Variants in NKAIN3 observed in about 807,000 individuals in gnomAD.
The protein encoded by NKAIN3 is sodium/potassium transporting ATPase interacting 3, also known as sodium/potassium-transporting ATPase subunit beta-1-interacting protein 3.
Under a neutral mutation model 30.2 loss-of-function variants are expected in NKAIN3, and 25 were observed. That is an observed-to-expected ratio of 0.83 (90% CI 0.60 to 1.16). The LOEUF (loss-of-function observed/expected upper bound fraction) is 1.16. Among genes scored for constraint, NKAIN3 ranks in the 50% most tolerant of loss-of-function variants. NKAIN3 has a pLI of 0.00. For missense variants in NKAIN3, 225 were observed against 254.1 expected (o/e 0.89, Z 0.78); for synonymous variants, 91 against 89.6 (o/e 1.02, Z -0.09).
chr8:62,829,894 T>C (rs1819142500), intron 4 of NKAIN3, among the ~76,000 whole-genome samples: 1 of 152,136 alleles, frequency 6.6e-6, no homozygotes, highest in East Asian at 1.9e-4. Flanking sequence ...TCTTTTCACT[T>C]TCATCCCAAA....
chr8:62,252,861 A>G (rs1484810794), intron 1 of NKAIN3, among the ~76,000 whole-genome samples: 1 of 152,200 alleles, frequency 6.6e-6, no homozygotes, highest in Non-Finnish European at 1.5e-5. Context: ...TGCTTTTAGC[A>G]CATTCTTTTC....
intron 1 of NKAIN3, among the ~76,000 whole-genome samples, chr8:62,305,669 A>AT (rs1432585359): frequency 2.0e-5 from 3 of 150,450 alleles, no homozygotes; most frequent in Admixed American, 6.6e-5. Context: ...TCTAAACACC[A>AT]TGGTGTCTCC....
chr8:62,467,095 C>T (rs888919202), intron 1 of NKAIN3, among the ~76,000 whole-genome samples: 6 of 152,126 alleles, frequency 3.9e-5, no homozygotes, highest in South Asian at 2.1e-4. Context: ...ACAGCAAGCA[C>T]AGGAGCTTCA....
At chr8:62,277,508 G>A (rs756714238) in intron 1 of NKAIN3, among the ~76,000 whole-genome samples, 18 of 152,080 alleles carry the variant, frequency 1.2e-4, no homozygotes, top group African/African-American at 2.2e-4. Flanking sequence ...CGTCTCATGC[G>A]TAAGAAAGGT....
chr8:62,818,832 G>T (rs1377629462), intron 4 of NKAIN3, among the ~76,000 whole-genome samples: 1 of 151,944 alleles, frequency 6.6e-6, no homozygotes, highest in Non-Finnish European at 1.5e-5. Flanking sequence ...GGTAAGGAGG[G>T]ATTTTTCAGA....
At chr8:62,783,502 G>T (rs993904230) in intron 4 of NKAIN3, among the ~76,000 whole-genome samples, 1 of 151,522 alleles carries the variant, frequency 6.6e-6, no homozygotes, top group Non-Finnish European at 1.5e-5. Flanking sequence ...GAGACACAGA[G>T]AATTAGCAAG....
At chr8:62,596,023 G>T (rs930967777) in intron 3 of NKAIN3, among the ~76,000 whole-genome samples, 1 of 152,016 alleles carries the variant, frequency 6.6e-6, no homozygotes, top group Non-Finnish European at 1.5e-5. Flanking sequence ...CACTTTACAG[G>T]CCCTGACTAT....
At chr8:62,272,102 G>A (rs1236313467) in intron 1 of NKAIN3, among the ~76,000 whole-genome samples, 1 of 152,176 alleles carries the variant, frequency 6.6e-6, no homozygotes, top group Non-Finnish European at 1.5e-5. Flanking sequence ...ATGGATTGTT[G>A]TACAAATGAA....
chr8:62,738,127 C>T (rs999546604), intron 3 of NKAIN3, among the ~76,000 whole-genome samples: 3 of 152,134 alleles, frequency 2.0e-5, no homozygotes, highest in Non-Finnish European at 4.4e-5. Context: ...TTTACACTCC[C>T]ACCAACAGTG....
chr8:62,867,237 A>G (rs375885275), intron 4 of NKAIN3, among the ~76,000 whole-genome samples: 1 of 152,112 alleles, frequency 6.6e-6, no homozygotes, highest in African/African-American at 2.4e-5. Flanking sequence ...GAATTCTGAC[A>G]TTTCACTGCT....
chr8:62,452,787 C>T (rs974370104), intron 1 of NKAIN3, among the ~76,000 whole-genome samples: 2 of 152,124 alleles, frequency 1.3e-5, no homozygotes, highest in African/African-American at 4.8e-5. Context: ...TTTTAAAATA[C>T]ACTTTTTTGA....
intron 1 of NKAIN3, chr8:62,482,562 G>A (rs1301454640): frequency 6.6e-6 from 1 of 152,260 alleles, no homozygotes; most frequent in East Asian, 1.9e-4. Flanking sequence ...GAATTTCAAA[G>A]GGATAGTCTG....
chr8:62,439,000 A>C (rs1419660800), intron 1 of NKAIN3, among the ~76,000 whole-genome samples: 1 of 152,202 alleles, frequency 6.6e-6, no homozygotes, highest in Admixed American at 6.5e-5. Flanking sequence ...GACCATAGAA[A>C]GTAAGTAGAG....
chr8:62,696,336 G>A (rs947794679), intron 3 of NKAIN3, among the ~76,000 whole-genome samples: 1 of 152,122 alleles, frequency 6.6e-6, no homozygotes, highest in African/African-American at 2.4e-5. Context: ...TTTTTCCCCA[G>A]ACTCAGAATT....
At chr8:62,727,298 A>G (rs1305727055) in intron 3 of NKAIN3, among the ~76,000 whole-genome samples, 2 of 152,158 alleles carry the variant, frequency 1.3e-5, no homozygotes, top group African/African-American at 4.8e-5. Flanking sequence ...ACAAGGCAAG[A>G]ACGTCCCAGC....
At chr8:62,426,705 A>C (rs1022443646) in intron 1 of NKAIN3, among the ~76,000 whole-genome samples, 5 of 152,022 alleles carry the variant, frequency 3.3e-5, no homozygotes, top group Admixed American at 2.6e-4. Flanking sequence ...AGTAAAAAAA[A>C]GGCTGAAGTG....
At chr8:62,804,777 C>T (rs1282698471) in intron 4 of NKAIN3, among the ~76,000 whole-genome samples, 1 of 152,138 alleles carries the variant, frequency 6.6e-6, no homozygotes, top group East Asian at 1.9e-4. Context: ...ACCTATTCAA[C>T]ATAGTGTTGG....
rs144775706 is a variant in NKAIN3, at chr8:62,570,367, T to C, written c.55-9172T>C. Among the ~76,000 whole-genome samples the C allele has an allele frequency of 4.5e-3, 680 of 152,296 alleles. 4 individuals are homozygous for C. Among genetic ancestry groups the C allele is most frequent in the African/African-American group, 0.016 (648 of 41,562 alleles). ...GCCACATGAAGCATTATTCATCATA[T>C]ATGGGTGTATTAATCCGTTTTCACA... On this transcript the variant is annotated intron_variant, in intron 1 of 6. Transcript: ENST00000623646.
intron 1 of NKAIN3, among the ~76,000 whole-genome samples, chr8:62,508,542 T>C (rs1261920497): frequency 6.6e-6 from 1 of 152,130 alleles, no homozygotes; most frequent in Non-Finnish European, 1.5e-5. Flanking sequence ...GGGGACCAGT[T>C]AGTCATGCCT....
Sources: allele counts gnomAD v4.1 joint callset (sites outside exome capture counted in the v4.1 genomes callset), GRCh38; gene constraint gnomAD v4.1.1; transcripts MANE v1.5; gene names NCBI Gene and HGNC (gene_info 2026-07-23, HGNC 2026-07-21).